The following POPDC2 variants were observed in gnomAD, a reference collection of about 807,000 sequenced individuals.
The protein encoded by POPDC2 is popeye domain-containing protein 2.
Under a neutral mutation model 30.5 loss-of-function variants are expected in POPDC2, and 24 were observed. That is an observed-to-expected ratio of 0.79 (90% confidence interval 0.57 to 1.11). POPDC2 has a LOEUF of 1.11. Ranked by LOEUF, POPDC2 falls within the 50% of genes least tolerant of loss-of-function variation. POPDC2 has a pLI of 0.00. For synonymous variants in POPDC2, 185 were observed against 183.3 expected (o/e 1.01, Z -0.07); for missense variants, 409 against 447.0 (o/e 0.91, Z 0.77).
chr3:119,656,282 T>A (rs541479), intron 1 of POPDC2, among the ~76,000 whole-genome samples: 1 of 152,098 alleles, frequency 6.6e-6, no homozygotes, highest in African/African-American at 2.4e-5. Context: ...ATCCTTGTAT[T>A]TTTTTAAATA....
At chr3:119,656,162 C>T (rs895721392) in intron 1 of POPDC2, among the ~76,000 whole-genome samples, 10 of 152,248 alleles carry the variant, frequency 6.6e-5, no homozygotes, top group Admixed American at 4.6e-4. Context: ...TCCCAATTGG[C>T]TATAGAGAAA....
At chr3:119,645,520 G>A (rs941869720) in intron 3 of POPDC2, among the ~76,000 whole-genome samples, 4 of 140,946 alleles carry the variant, frequency 2.8e-5, no homozygotes, top group Non-Finnish European at 6.0e-5. Context: ...CCGAGATCGC[G>A]CCACTGCGCT....
At chr3:119,645,644 A>G (rs1399060995) in intron 3 of POPDC2, among the ~76,000 whole-genome samples, 1 of 152,160 alleles carries the variant, frequency 6.6e-6, no homozygotes, top group African/African-American at 2.4e-5. Context: ...GGTAGGTGAT[A>G]GATTCTTCAC....
intron 3 of POPDC2, among the ~76,000 whole-genome samples, chr3:119,647,353 A>T (rs2052756976): frequency 6.6e-6 from 1 of 152,170 alleles, no homozygotes; most frequent in Non-Finnish European, 1.5e-5. Flanking sequence ...ACATGAGAGC[A>T]ATTTCCCAGA....
chr3:119,653,025 TGAGTGTGTGTGCGC>T (rs2052830340), intron 2 of POPDC2, among the ~76,000 whole-genome samples: 1 of 148,192 alleles, frequency 6.7e-6, no homozygotes, highest in Non-Finnish European at 1.5e-5. Context: ...AAAGGGTGAG[TGAGTGTGTGTGCGC>T]GTGTGTGCAT....
At chr3:119,646,356 C>A (rs987946626) in intron 3 of POPDC2, among the ~76,000 whole-genome samples, 1 of 152,116 alleles carries the variant, frequency 6.6e-6, no homozygotes, top group Non-Finnish European at 1.5e-5. Context: ...ACTGGCCAGG[C>A]ATGGTGGCTC....
At chr3:119,653,979 G>A (rs2052847378) in intron 2 of POPDC2, among the ~76,000 whole-genome samples, 1 of 125,600 alleles carries the variant, frequency 8.0e-6, no homozygotes, top group South Asian at 3.3e-4. Context: ...GTGCTAGGCT[G>A]TGGGGTGGAA....
chr3:119,660,736 G>C (rs1487195096), upstream of POPDC2: 16 of 228,608 alleles, frequency 7.0e-5, no homozygotes, highest in Admixed American at 8.7e-4. Context: ...AAGCTTCCTT[G>C]GTTCCATGTT....
chr3:119,648,623 G>C lies in POPDC2; in HGVS notation c.646C>G (p.Arg216Gly), dbSNP rs766894233. 1 of 1,614,122 alleles carries C rather than the reference G, an allele frequency of 6.2e-7. No homozygotes were observed. The highest frequency in any genetic ancestry group is 1.7e-5 in the Admixed American group (1 of 60,022). The change falls in exon 3 of 4, where the codon CGG (arginine) becomes GGG (glycine). Residue 216 changes from arginine (R) to glycine (G), a missense_variant. Physicochemically the swap from Arg to Gly is moderately radical, Grantham distance 125 (BLOSUM62 -2). Transcript: ENST00000493094. ...GTCAGAAGAAGATGGAGACTTTTCC[G>C]GGGCCAGGAAATGTAGCTACATGAG... Reference protein sequence around the residue: ...ETSCSYISWPRKSLHLLLTKE... With the variant: ...ETSCSYISWPGKSLHLLLTKE...
intron 1 of POPDC2, 76 bp from the exon 2 acceptor site, chr3:119,654,689 C>A: frequency 2.0e-6 from 2 of 1,016,954 alleles, no homozygotes; most frequent in South Asian, 2.6e-5. Context: ...AGTTAGGTGT[C>A]GCTGATTAAC....
At chr3:119,649,586 T>C (rs2052786791) in intron 2 of POPDC2, among the ~76,000 whole-genome samples, 1 of 152,104 alleles carries the variant, frequency 6.6e-6, no homozygotes, top group East Asian at 1.9e-4. Flanking sequence ...CCCTAATACT[T>C]TGGGCTGGCA....
At chr3:119,652,778 T>A (rs4688022) in intron 2 of POPDC2, among the ~76,000 whole-genome samples, 3,234 of 152,238 alleles carry the variant, frequency 0.021, 45 homozygotes, top group Middle Eastern at 0.071. Context: ...TGGAAGTGGA[T>A]CTGTGGCTGG....
rs34663059 is a variant in POPDC2, at chr3:119,645,606, G to GA, written c.*43+2512dup. On this transcript the variant is annotated intron_variant, in intron 3 of 3. Coordinates refer to ENST00000493094, the MANE Select transcript of POPDC2 (RefSeq NM_001369919.2). ...AAAGAAAGAAAAAGAAAAGGAAAAG[G>GA]AAAAAAAAATCTGCACTGTAATCAC... Among the ~76,000 whole-genome samples the GA allele has an allele frequency of 8.5e-3, 1,271 of 150,230 alleles. 10 individuals are homozygous for GA. Among genetic ancestry groups the GA allele is most frequent in the South Asian group, 0.023 (108 of 4,662 alleles).
intron 2 of POPDC2, 112 bp from the exon 3 acceptor site, chr3:119,648,780 T>C: frequency 2.1e-6 from 2 of 931,496 alleles, no homozygotes; most frequent in Non-Finnish European, 3.2e-6. Context: ...CTGAAGAAGC[T>C]GTGTGGGAGT....
At chr3:119,658,127 G>A (rs1020203793) in intron 1 of POPDC2, among the ~76,000 whole-genome samples, 5 of 152,206 alleles carry the variant, frequency 3.3e-5, no homozygotes, top group South Asian at 2.1e-4. Context: ...GCTGCTTTGA[G>A]ATGTTTGGTC....
intron 2 of POPDC2, among the ~76,000 whole-genome samples, chr3:119,653,800 C>A (rs2052845342): frequency 6.6e-6 from 1 of 152,158 alleles, no homozygotes; most frequent in Admixed American, 6.5e-5. Flanking sequence ...TGAACAGCTG[C>A]TGTGCTCCAG....
intron 2 of POPDC2, 129 bp from the exon 3 acceptor site, chr3:119,648,797 C>CCAGGCAAGGCCA: frequency 1.3e-6 from 1 of 791,234 alleles, no homozygotes; most frequent in Non-Finnish European, 2.0e-6. Context: ...GAGTACCCCT[C>CCAGGCAAGGCCA]TATGGCCTTG....
intron 3 of POPDC2, among the ~76,000 whole-genome samples, chr3:119,642,884 C>G (rs2052706660): frequency 6.6e-6 from 1 of 152,156 alleles, no homozygotes; most frequent in South Asian, 2.1e-4. Flanking sequence ...AACCAAAAGC[C>G]TGTATTGAAT....
intron 3 of POPDC2, chr3:119,643,366 C>T (rs1028827534): frequency 1.4e-5 from 22 of 1,533,666 alleles, no homozygotes; most frequent in East Asian, 2.4e-5. Context: ...TTTTGCTGTA[C>T]CTTTTGTTGT....
Sources: allele counts gnomAD v4.1 joint callset (sites outside exome capture counted in the v4.1 genomes callset), GRCh38; gene constraint gnomAD v4.1.1; transcripts MANE v1.5; gene names NCBI Gene and HGNC (gene_info 2026-07-23, HGNC 2026-07-21).